SERPINB7: variants seen among roughly 807,000 people sequenced by gnomAD.
SERPINB7 encodes serpin family B member 7.
SERPINB7 carries 31 observed loss-of-function variants against 37.4 expected under a neutral mutation model. The observed-to-expected ratio is 0.83, with a 90% CI of 0.62 to 1.12. The LOEUF (loss-of-function observed/expected upper bound fraction) is 1.12. SERPINB7 is among the 50% of genes most tolerant of loss of function. The probability of loss-of-function intolerance (pLI) is 0.00; values close to 1 mark genes in which losing one functional copy is unlikely to be tolerated. For synonymous variants in SERPINB7, 163 were observed against 166.1 expected (o/e 0.98, Z 0.14); for missense variants, 521 against 455.3 (o/e 1.14, Z -1.31).
intron 2 of SERPINB7, among the ~76,000 whole-genome samples, chr18:63,784,343 C>T (rs563870258): frequency 3.3e-5 from 5 of 152,196 alleles, no homozygotes; most frequent in African/African-American, 7.2e-5. Flanking sequence ...AACAACTACC[C>T]GCAGCATACC....
In SERPINB7 at chr18:63,796,350, A is replaced by T. The variant is rs200660640; in HGVS notation, c.421A>T (p.Asn141Tyr). Residue 141 changes from asparagine to tyrosine, a missense_variant, in exon 5 of 8, where the codon AAT becomes TAT. Physicochemically the swap from Asn to Tyr is moderately radical, Grantham distance 143. Coordinates refer to ENST00000398019, the MANE Select transcript of SERPINB7 (RefSeq NM_003784.4). The stretch of plus-strand genomic sequence containing the variant: ...GAATCATTTAGAAGACACTAGACGT[A>T]ATATTAATAAGTGGGTTGAAAATGA... ...FTNHLEDTRR[N>Y]INKWVENETH... The T allele has an allele frequency of 1.9e-6, 3 of 1,606,026 alleles. No individual in the cohort carries two copies. The highest frequency in any genetic ancestry group is 2.6e-6 in the Non-Finnish European group (3 of 1,172,984).
chr18:63,804,350 A>G lies in SERPINB7; in HGVS notation c.858A>G (p.Glu286=). 6.2e-7 allele frequency: 1 copy of G among 1,613,802 alleles called. No homozygotes were observed. Among genetic ancestry groups the G allele is most frequent in the Non-Finnish European group, 8.5e-7 (1 of 1,179,852 alleles). The change falls in exon 8 of 8, where the codon GAA becomes GAG. Residue 286 remains glutamate (E), a synonymous_variant. Coordinates refer to ENST00000398019, the MANE Select transcript of SERPINB7 (RefSeq NM_003784.4). ...AGTTCAAGATAGAGAAGAATTATGA[A>G]ATGAAACAATATTTGAGAGCCCTAG... ...FPQFKIEKNY[E]MKQYLRALGL... is the part of the protein sequence containing the mutation.
chr18:63,781,276 G>A (rs960559858), intron 1 of SERPINB7, among the ~76,000 whole-genome samples: 1 of 152,124 alleles, frequency 6.6e-6, no homozygotes. Context: ...GTTGAGAATC[G>A]CTATGCTAGA....
chr18:63,765,939 GC>G (rs1178229548), intron 1 of SERPINB7, among the ~76,000 whole-genome samples: 1 of 152,196 alleles, frequency 6.6e-6, no homozygotes, highest in East Asian at 1.9e-4. Context: ...TGCTGGTCTT[GC>G]CGTTAGTGGC....
At position 63,801,001 on chromosome 18, in the gene SERPINB7, G is replaced by A. The variant is rs1367038613; in HGVS notation, c.733G>A (p.Asp245Asn). Reference sequence around the variant, plus strand: ...CATGTACGTTCTGCTGCCTGAGAATGACCTCTCTGAAGTAAGTTACGACTG... The same window carrying A: ...CATGTACGTTCTGCTGCCTGAGAATAACCTCTCTGAAGTAAGTTACGACTG... ...INMYVLLPEN[D>N]LSEIENKLTF... Residue 245 changes from aspartate (D) to asparagine (N), a missense_variant, in exon 7 of 8, where the codon GAC becomes AAC. Physicochemically the swap from Asp to Asn is conservative, Grantham distance 23. Transcript: ENST00000398019. 8 of 1,613,294 alleles carry A rather than the reference G, an allele frequency of 5.0e-6. No homozygotes were observed. Among genetic ancestry groups the A allele is most frequent in the African/African-American group, 1.3e-5 (1 of 74,892 alleles).
chr18:63,788,618 A>G (rs532013685), intron 2 of SERPINB7, among the ~76,000 whole-genome samples: 4 of 152,340 alleles, frequency 2.6e-5, no homozygotes, highest in African/African-American at 7.2e-5. Context: ...GGTGTACAGT[A>G]ACATCCTAGG....
rs751820974 is a variant in SERPINB7 at position 63,782,498 on chromosome 18, C to A, written c.126C>A (p.Val42=). 1 of 1,613,836 alleles carries A rather than the reference C, an allele frequency of 6.2e-7. No homozygotes were observed. Among genetic ancestry groups the A allele is most frequent in the Non-Finnish European group, 8.5e-7 (1 of 1,179,844 alleles). ...GCCTCTTCGCTGCCCTGGCCCTGGT[C>A]CGCTTGGGCGCTCAAGATGACTCCC... ...SLSLFAALAL[V]RLGAQDDSLS... The change falls in exon 2 of 8, where the codon GTC becomes GTA. Residue 42 remains valine, a synonymous_variant. Transcript: ENST00000398019.
chr18:63,783,172 T>G lies in SERPINB7; in HGVS notation c.168+632T>G, dbSNP rs113559528. ...ACGATCAAACAAAACAAAAAGAAAA[T>G]AAAGAAAGAAAGAAAGAGAGAGAGA... On this transcript the variant is annotated intron_variant, in intron 2 of 7. Transcript: ENST00000398019. 8.0e-4 allele frequency among the ~76,000 whole-genome samples: 55 copies of G among 68,890 alleles called. 1 individual carries two copies. The highest frequency in any genetic ancestry group is 3.2e-3 in the African/African-American group (53 of 16,528). 45.2% of individuals were successfully genotyped at this position (68,890 alleles called of 152,430 possible). A position where few individuals can be genotyped will look rare whatever the true frequency, so the allele number is the denominator to read the frequency against.
At chr18:63,780,800 T>G (rs1006125812) in intron 1 of SERPINB7, among the ~76,000 whole-genome samples, 1 of 152,160 alleles carries the variant, frequency 6.6e-6, no homozygotes, top group Non-Finnish European at 1.5e-5. Context: ...AACAGCATCA[T>G]GTAGGGTGTC....
rs772905252 is a variant in SERPINB7, at chr18:63,804,838, C to T, written c.*203C>T. The T allele has an allele frequency of 3.3e-4, 183 of 548,792 alleles. 1 individual carries two copies. Among genetic ancestry groups the T allele is most frequent in the Middle Eastern group, 1.9e-3 (4 of 2,104 alleles). 34.0% of individuals were successfully genotyped at this position (548,792 alleles called of 1,614,324 possible). On this transcript the variant is annotated 3_prime_UTR_variant, in exon 8 of 8. Transcript: ENST00000398019. ...GATCCCTGCTCTTAGCATTCTACCA[C>T]CATGTGTCTCACCCATTTCTAATTT...
intron 2 of SERPINB7, among the ~76,000 whole-genome samples, chr18:63,786,794 A>G (rs779738439): frequency 4.6e-5 from 7 of 152,218 alleles, no homozygotes; most frequent in South Asian, 4.1e-4. Flanking sequence ...TTTGTATTTC[A>G]GATAGAAACA....
intron 4 of SERPINB7, among the ~76,000 whole-genome samples, chr18:63,795,771 G>T (rs1445240762): frequency 6.6e-6 from 1 of 152,248 alleles, no homozygotes; most frequent in South Asian, 2.1e-4. Flanking sequence ...TTGAGCAACT[G>T]TCAGGAATGT....
chr18:63,759,387 A>T (rs182441310), intron 1 of SERPINB7, among the ~76,000 whole-genome samples: 28 of 152,336 alleles, frequency 1.8e-4, no homozygotes, highest in African/African-American at 6.7e-4. Context: ...ACAGAAGAAC[A>T]TGACAAAGGA....
intron 1 of SERPINB7, among the ~76,000 whole-genome samples, chr18:63,761,415 A>T (rs2049153020): frequency 6.6e-6 from 1 of 152,176 alleles, no homozygotes; most frequent in African/African-American, 2.4e-5. Flanking sequence ...CCTTGTCTCA[A>T]GTGAGACTTT....
chr18:63,759,976 G>T (rs552895719), intron 1 of SERPINB7, among the ~76,000 whole-genome samples: 1 of 152,230 alleles, frequency 6.6e-6, no homozygotes, highest in South Asian at 2.1e-4. Flanking sequence ...CAGTAAATTG[G>T]TACCAGGAGT....
chr18:63,796,840 G>T (rs888329609), intron 5 of SERPINB7, among the ~76,000 whole-genome samples: 8 of 152,098 alleles, frequency 5.3e-5, no homozygotes, highest in Non-Finnish European at 1.0e-4. Flanking sequence ...AGATAGGGCT[G>T]ATTTTCATAC....
chr18:63,781,831 A>C (rs905423418), intron 1 of SERPINB7, among the ~76,000 whole-genome samples: 3 of 152,254 alleles, frequency 2.0e-5, no homozygotes, highest in Non-Finnish European at 2.9e-5. Context: ...CCAATGATGC[A>C]TAATACTTAA....
intron 1 of SERPINB7, among the ~76,000 whole-genome samples, chr18:63,779,870 C>A (rs780221511): frequency 6.6e-6 from 1 of 150,942 alleles, no homozygotes; most frequent in Admixed American, 6.6e-5. Context: ...TTTTTTTTTG[C>A]CCCAAAGGAT....
At chr18:63,791,082 G>T (rs900558556) in intron 2 of SERPINB7, among the ~76,000 whole-genome samples, 3 of 152,122 alleles carry the variant, frequency 2.0e-5, no homozygotes, top group Non-Finnish European at 2.9e-5. Flanking sequence ...AGTGGGAGTT[G>T]AACAATGAGA....
Sources: gnomAD v4.1 joint callset for allele counts (sites outside exome capture counted in the v4.1 genomes callset) on GRCh38, gnomAD v4.1.1 for gene constraint, MANE v1.5 for transcripts, NCBI Gene and HGNC (gene_info 2026-07-23, HGNC 2026-07-21) for gene names.